PBX3: variants seen among roughly 807,000 people sequenced by gnomAD.
PBX3 encodes PBX homeobox 3.
Under a neutral mutation model 48.5 loss-of-function variants are expected in PBX3, and 14 were observed. The ratio of observed to expected loss-of-function variants is 0.29; its 90% CI spans 0.19 to 0.45. PBX3 has a LOEUF of 0.45. Among genes scored for constraint, PBX3 ranks in the 20% least tolerant of loss-of-function variants. The probability of loss-of-function intolerance (pLI) is 1.00; values close to 1 mark genes in which losing one functional copy is unlikely to be tolerated. For missense variants in PBX3, 386 were observed against 546.7 expected, an observed-to-expected ratio of 0.71 and a Z score of 2.93; for synonymous variants, 210 against 200.3, an observed-to-expected ratio of 1.05 and a Z score of -0.41.
intron 2 of PBX3, among the ~76,000 whole-genome samples, chr9:125,846,862 A>G (rs935390671): frequency 6.6e-5 from 10 of 151,928 alleles, no homozygotes; most frequent in African/African-American, 1.2e-4. Flanking sequence ...GTTGGTTGAT[A>G]TATCTTTTAC....
intron 2 of PBX3, among the ~76,000 whole-genome samples, chr9:125,788,978 A>G (rs1837529778): frequency 6.6e-6 from 1 of 151,208 alleles, no homozygotes; most frequent in African/African-American, 2.4e-5. Context: ...CATTCTTATT[A>G]GTGTTTACTA....
chr9:125,912,317 T>G (rs1216268797), intron 2 of PBX3, among the ~76,000 whole-genome samples: 1 of 152,134 alleles, frequency 6.6e-6, no homozygotes, highest in Non-Finnish European at 1.5e-5. Flanking sequence ...GGGCTTTAGG[T>G]ACTTTTCACA....
chr9:125,755,640 A>G (rs1836493076), intron 2 of PBX3, among the ~76,000 whole-genome samples: 1 of 150,666 alleles, frequency 6.6e-6, no homozygotes, highest in Non-Finnish European at 1.5e-5. Context: ...GCCTGTCAGT[A>G]AATTGAGAGC....
chr9:125,795,762 ATAAAATTTTAAAAATT>A (rs565805131), intron 2 of PBX3, among the ~76,000 whole-genome samples: 6 of 152,344 alleles, frequency 3.9e-5, no homozygotes, highest in Admixed American at 1.3e-4. Flanking sequence ...AGATTTAAAA[ATAAAATTTTAAAAATT>A]TAAAATAAAC....
intron 2 of PBX3, 36 bp downstream of exon 2, chr9:125,748,659 C>T (rs369265357): frequency 5.1e-6 from 8 of 1,564,298 alleles, no homozygotes; most frequent in Admixed American, 1.7e-5. Flanking sequence ...CCTGGAGACC[C>T]CCGAGGTGGG....
Position 125,965,996 on chromosome 9 carries a change from C to G in PBX3, c.*73C>G. 9.0e-7 allele frequency: 1 copy of G among 1,108,366 alleles called. No homozygotes were observed. The highest frequency in any genetic ancestry group is 1.4e-6 in the Non-Finnish European group (1 of 734,592). 68.7% of individuals were successfully genotyped at this position (1,108,366 alleles called of 1,614,324 possible). ...CAGAGCAATAGGAGGAAAAGGAAAG[C>G]GTTTTTGTAGCCCACCATCTACAGC... On this transcript the variant is annotated 3_prime_UTR_variant, in exon 9 of 9. Transcript: ENST00000373489.
intron 2 of PBX3, among the ~76,000 whole-genome samples, chr9:125,761,723 T>C (rs1836673098): frequency 6.6e-6 from 1 of 152,170 alleles, no homozygotes; most frequent in Non-Finnish European, 1.5e-5. Flanking sequence ...GGAAACTTGC[T>C]AAGTAAATAC....
Position 125,955,183 on chromosome 9 carries a change from G to GCTCGTTTCAGCTCTGT in PBX3, c.844-5498_844-5497insGTTTCAGCTCTGTCTC, listed in dbSNP as rs1554733531. Among the ~76,000 whole-genome samples the GCTCGTTTCAGCTCTGT allele has an allele frequency of 1.6e-3, 243 of 151,592 alleles. 5 individuals carry two copies. The highest frequency in any genetic ancestry group is 0.012 in the East Asian group (60 of 5,112). On this transcript the variant is annotated intron_variant, in intron 5 of 8. Transcript: ENST00000373489. ...TGAACTCCACTGCTATAGATCTCAG[G>GCTCGTTTCAGCTCTGT]CTCCGTTTCAGCTCTGTCCCCTGCA...
At chr9:125,821,853 A>G (rs977814540) in intron 2 of PBX3, among the ~76,000 whole-genome samples, 1 of 152,138 alleles carries the variant, frequency 6.6e-6, no homozygotes, top group African/African-American at 2.4e-5. Context: ...AAGGCTGCTA[A>G]TGAGAAATAG....
chr9:125,865,830 C>T (rs1839965983), intron 2 of PBX3, among the ~76,000 whole-genome samples: 1 of 152,116 alleles, frequency 6.6e-6, no homozygotes. Context: ...TAGCCTATAG[C>T]CTGTTTTCAT....
At chr9:125,795,896 G>A (rs1396269678) in intron 2 of PBX3, among the ~76,000 whole-genome samples, 3 of 152,128 alleles carry the variant, frequency 2.0e-5, no homozygotes, top group Non-Finnish European at 4.4e-5. Context: ...AAACATGGTA[G>A]TTGTACATAT....
chr9:125,747,659 TGTC>T lies in PBX3; in HGVS notation c.200+10_200+12del, dbSNP rs763041187. On this transcript the variant is annotated splice_region_variant and intron_variant, in intron 1 of 8. Coordinates refer to ENST00000373489, the MANE Select transcript of PBX3 (RefSeq NM_006195.6). ...TTGGACGAGGCGCAAGCAAAGTTGG[TGTC>T]GTCTCATTAAGCATCTTTTGTGTGT... 2 of 1,582,236 alleles carry T rather than the reference TGTC, an allele frequency of 1.3e-6. No homozygotes were observed. Among genetic ancestry groups the T allele is most frequent in the Non-Finnish European group, 1.7e-6 (2 of 1,164,374 alleles).
chr9:125,870,151 C>T (rs116732794), intron 2 of PBX3, among the ~76,000 whole-genome samples: 3,043 of 151,130 alleles, frequency 0.02, 113 homozygotes, highest in African/African-American at 0.07. Context: ...TCCCTGCAAC[C>T]TCTGTCTCAT....
chr9:125,865,482 TAA>T (rs1467307916), intron 2 of PBX3, among the ~76,000 whole-genome samples: 1 of 152,208 alleles, frequency 6.6e-6, no homozygotes, highest in Non-Finnish European at 1.5e-5. Context: ...GATGAAAATA[TAA>T]GTTTCTTTCC....
At chr9:125,799,501 G>T (rs1023209461) in intron 2 of PBX3, among the ~76,000 whole-genome samples, 4 of 152,310 alleles carry the variant, frequency 2.6e-5, no homozygotes, top group Admixed American at 1.3e-4. Flanking sequence ...GCAAGACCCT[G>T]TCTCAAAACA....
chr9:125,777,050 G>C (rs950738093), intron 2 of PBX3, among the ~76,000 whole-genome samples: 2 of 150,058 alleles, frequency 1.3e-5, no homozygotes, highest in Non-Finnish European at 1.5e-5. Flanking sequence ...CTGTCACCAG[G>C]CTGGAGTGCA....
chr9:125,915,591 G>C, intron 2 of PBX3, 95 bp from the exon 3 acceptor site: 1 of 897,860 alleles, frequency 1.1e-6, no homozygotes, highest in Non-Finnish European at 1.7e-6. Context: ...CACTGATGTT[G>C]TTTGATCATT....
intron 2 of PBX3, among the ~76,000 whole-genome samples, chr9:125,791,558 G>A (rs1358456057): frequency 6.6e-6 from 1 of 152,106 alleles, no homozygotes; most frequent in African/African-American, 2.4e-5. Context: ...ACCTCCCCCT[G>A]CCCTCTCTTC....
chr9:125,898,552 C>A (rs1417119508), intron 2 of PBX3, among the ~76,000 whole-genome samples: 2 of 151,696 alleles, frequency 1.3e-5, no homozygotes, highest in Non-Finnish European at 3.0e-5. Flanking sequence ...AGATTCCTGA[C>A]TAAATTCTGA....
Sources: gnomAD v4.1 joint callset for allele counts (sites outside exome capture counted in the v4.1 genomes callset) on GRCh38, gnomAD v4.1.1 for gene constraint, MANE v1.5 for transcripts, NCBI Gene and HGNC (gene_info 2026-07-23, HGNC 2026-07-21) for gene names.